The following ZMAT4 variants were observed in gnomAD, a reference collection of about 807,000 sequenced individuals.
ZMAT4 encodes zinc finger matrin-type 4.
A neutral mutation model predicts 28.7 loss-of-function variants in ZMAT4; 17 were observed. The ratio of observed to expected loss-of-function variants is 0.59; its 90% CI spans 0.41 to 0.89. The LOEUF (loss-of-function observed/expected upper bound fraction) is 0.89, where lower values mean the gene tolerates loss of function less well. Ranked by LOEUF, ZMAT4 falls within the 40% of genes least tolerant of loss-of-function variation. The probability of loss-of-function intolerance (pLI) is 0.00; values close to 1 mark genes in which losing one functional copy is unlikely to be tolerated. For missense variants in ZMAT4, 240 were observed against 283.8 expected (o/e 0.85, Z 1.11); for synonymous variants, 117 against 109.2 (o/e 1.07, Z -0.44).
chr8:40,824,982 C>T (rs1304495467), intron 2 of ZMAT4, among the ~76,000 whole-genome samples: 2 of 152,238 alleles, frequency 1.3e-5, no homozygotes, highest in Non-Finnish European at 2.9e-5. Context: ...TGTTGCTCCC[C>T]GATTCTAAAC....
At chr8:40,810,660 A>G (rs1229720905) in intron 2 of ZMAT4, among the ~76,000 whole-genome samples, 1 of 152,214 alleles carries the variant, frequency 6.6e-6, no homozygotes, top group Admixed American at 6.5e-5. Flanking sequence ...TAATAGTGGA[A>G]AGGGCTTCTT....
chr8:40,700,682 C>T (rs973231769), intron 3 of ZMAT4, among the ~76,000 whole-genome samples: 1 of 152,020 alleles, frequency 6.6e-6, no homozygotes, highest in Non-Finnish European at 1.5e-5. Context: ...CTTTGGCCTC[C>T]CAAAGTGCTG....
chr8:40,693,908 G>A (rs1260335710), intron 4 of ZMAT4, among the ~76,000 whole-genome samples: 5 of 152,194 alleles, frequency 3.3e-5, no homozygotes, highest in East Asian at 1.9e-4. Context: ...CTCATCAGAC[G>A]AAGTAGCTGG....
chr8:40,559,112 G>A (rs1803645581), intron 6 of ZMAT4, among the ~76,000 whole-genome samples: 1 of 152,072 alleles, frequency 6.6e-6, no homozygotes, highest in African/African-American at 2.4e-5. Context: ...ATTGCAGCTC[G>A]CCCACCACCA....
At chr8:40,532,395 T>A (rs986925766) in intron 6 of ZMAT4, among the ~76,000 whole-genome samples, 157 bp from the exon 7 acceptor site, 1 of 85,144 alleles carries the variant, frequency 1.2e-5, no homozygotes, top group African/African-American at 5.7e-5. Context: ...TCTTTCAGGT[T>A]CTAAATAACC....
chr8:40,758,529 T>C (rs1359182265), intron 3 of ZMAT4, among the ~76,000 whole-genome samples: 1 of 152,218 alleles, frequency 6.6e-6, no homozygotes, highest in Non-Finnish European at 1.5e-5. Flanking sequence ...CCCTTAACCA[T>C]TCCTTCCCTG....
intron 4 of ZMAT4, among the ~76,000 whole-genome samples, chr8:40,694,185 C>G (rs978352838): frequency 4.6e-5 from 7 of 152,154 alleles, no homozygotes; most frequent in Admixed American, 1.3e-4. Context: ...CCTGGAGAAG[C>G]TGCTGCTGGG....
chr8:40,789,542 A>C (rs1428913532), intron 2 of ZMAT4, among the ~76,000 whole-genome samples: 1 of 152,224 alleles, frequency 6.6e-6, no homozygotes, highest in Non-Finnish European at 1.5e-5. Flanking sequence ...ATACATTTTA[A>C]AATAACTAGG....
chr8:40,746,650 C>T (rs765366085), intron 3 of ZMAT4, among the ~76,000 whole-genome samples: 23 of 152,150 alleles, frequency 1.5e-4, no homozygotes, highest in Non-Finnish European at 3.1e-4. Flanking sequence ...CCACCATGCC[C>T]GGCCCAGTTT....
Position 40,697,353 on chromosome 8 carries a change from T to G in ZMAT4, c.241A>C (p.Asn81His). ...VDKNKCCTLC[N>H]MSFTSAVVAD... ...ACCACCGCTGAAGTGAATGACATGT[T>G]GCAGAGTGTGCAGCACTTGTTCTTA... The change falls in exon 4 of 7, where the codon AAC becomes CAC. Residue 81 changes from asparagine to histidine, a missense_variant. Physicochemically the swap from Asn to His is moderately conservative, Grantham distance 68. Transcript: ENST00000297737. 2 of 1,613,742 alleles carry G rather than the reference T, an allele frequency of 1.2e-6. No individual in the cohort carries two copies. The highest frequency in any genetic ancestry group is 1.7e-6 in the Non-Finnish European group (2 of 1,179,800).
chr8:40,584,123 T>A (rs1804582529), intron 5 of ZMAT4, among the ~76,000 whole-genome samples: 1 of 152,068 alleles, frequency 6.6e-6, no homozygotes, highest in African/African-American at 2.4e-5. Context: ...GATTTTGGGG[T>A]CCTGAGTTTA....
At position 40,566,870 on chromosome 8, in the gene ZMAT4, A is replaced by G. The variant is rs138147206; in HGVS notation, c.674+14295T>C. ...ATCTAGTAAGCTTATGTGATTTAGC[A>G]GTGGAAAGTTGTCAGAAAACAGAAT... On this transcript the variant is annotated intron_variant, in intron 6 of 6. Transcript: ENST00000297737. Among the ~76,000 whole-genome samples, 108 of 152,244 alleles carry G rather than the reference A, an allele frequency of 7.1e-4. 1 individual carries two copies. Among genetic ancestry groups the G allele is most frequent in the Middle Eastern group, 3.4e-3 (1 of 294 alleles).
At chr8:40,709,367 C>G (rs1376100520) in intron 3 of ZMAT4, among the ~76,000 whole-genome samples, 2 of 151,968 alleles carry the variant, frequency 1.3e-5, no homozygotes, top group Non-Finnish European at 2.9e-5. Flanking sequence ...CTCATGTATA[C>G]CCCTAAATGT....
At position 40,856,056 on chromosome 8, in the gene ZMAT4, A is replaced by G. The variant is rs1314192219; in HGVS notation, c.-4-30376T>C. Among the ~76,000 whole-genome samples the G allele has an allele frequency of 2.6e-5, 4 of 152,132 alleles. No homozygotes were observed. The East Asian group carries it at 7.7e-4, about 29-fold the overall frequency. ...CCTGCCACAAGACCCTCCCCCCGGT[A>G]GGGAATAGTACATGGGCCCCAGTAA... is the stretch of plus-strand genomic sequence containing the variant. On this transcript the variant is annotated intron_variant, in intron 1 of 6. Transcript: ENST00000297737.
intron 1 of ZMAT4, among the ~76,000 whole-genome samples, chr8:40,892,932 C>T (rs535526591): frequency 1.3e-5 from 2 of 152,344 alleles, no homozygotes; most frequent in African/African-American, 2.4e-5. Flanking sequence ...CCTGCCTCAG[C>T]TAAAAGCCCC....
chr8:40,891,271 A>AAGGGGGAAGGGGGGAGGGGGAAGGGGG (rs1563270120), intron 1 of ZMAT4, among the ~76,000 whole-genome samples: 1 of 86,018 alleles, frequency 1.2e-5, no homozygotes, highest in Non-Finnish European at 2.4e-5. Context: ...GGGGAGGGGG[A>AAGGGGGAAGGGGGGAGGGGGAAGGGGG]AGGGGAAATT....
intron 3 of ZMAT4, among the ~76,000 whole-genome samples, chr8:40,702,507 C>T (rs1810191258): frequency 6.6e-6 from 1 of 152,150 alleles, no homozygotes; most frequent in Non-Finnish European, 1.5e-5. Context: ...AAGCATTTTG[C>T]AAAGTTAAAA....
chr8:40,882,990 G>A (rs1818333456), intron 1 of ZMAT4, among the ~76,000 whole-genome samples: 1 of 152,140 alleles, frequency 6.6e-6, no homozygotes, highest in South Asian at 2.1e-4. Context: ...CCGTCTAAGT[G>A]AACCCAGTGT....
At chr8:40,827,052 A>G (rs1419252878) in intron 1 of ZMAT4, among the ~76,000 whole-genome samples, 1 of 152,156 alleles carries the variant, frequency 6.6e-6, no homozygotes, top group Non-Finnish European at 1.5e-5. Flanking sequence ...CACCACCATC[A>G]TCTTACCTAT....
Sources: allele counts gnomAD v4.1 joint callset (sites outside exome capture counted in the v4.1 genomes callset), GRCh38; gene constraint gnomAD v4.1.1; transcripts MANE v1.5; gene names NCBI Gene and HGNC (gene_info 2026-07-23, HGNC 2026-07-21).